Variants in SUPT3H observed in about 807,000 individuals in gnomAD.
SUPT3H encodes the protein SPT3 homolog, SAGA and STAGA complex component, also known as transcription initiation protein SPT3 homolog.
A neutral mutation model predicts 44.3 loss-of-function variants in SUPT3H; 44 were observed. That is an observed-to-expected ratio of 0.99 (90% CI 0.78 to 1.28). SUPT3H has a LOEUF of 1.28. SUPT3H is among the 50% of genes most tolerant of loss of function. SUPT3H has a pLI of 0.00. For synonymous variants in SUPT3H, 124 were observed against 125.6 expected (o/e 0.99, Z 0.09); for missense variants, 380 against 387.1 (o/e 0.98, Z 0.15).
At chr6:45,175,169 G>A (rs1216156652) in intron 2 of SUPT3H, among the ~76,000 whole-genome samples, 7 of 151,572 alleles carry the variant, frequency 4.6e-5, no homozygotes, top group Non-Finnish European at 7.4e-5. Flanking sequence ...TATATATACC[G>A]TATATGTTTG....
intron 2 of SUPT3H, among the ~76,000 whole-genome samples, chr6:45,217,695 A>G (rs989511279): frequency 3.9e-4 from 59 of 152,250 alleles, no homozygotes; most frequent in Admixed American, 2.3e-3. Flanking sequence ...GTTCAAGACC[A>G]GTCTGATCGA....
chr6:45,281,811 C>T (rs777859289), intron 2 of SUPT3H, among the ~76,000 whole-genome samples: 7 of 152,102 alleles, frequency 4.6e-5, no homozygotes, highest in African/African-American at 7.2e-5. Context: ...CCCTGATACC[C>T]GAATAGCCTA....
intron 2 of SUPT3H, among the ~76,000 whole-genome samples, chr6:45,257,316 C>T (rs1463712925): frequency 2.0e-5 from 3 of 152,144 alleles, no homozygotes; most frequent in African/African-American, 7.2e-5. Flanking sequence ...AAGGGAAATG[C>T]TGAGATTTTC....
chr6:44,894,043 T>C lies in SUPT3H; in HGVS notation c.912+38610A>G, dbSNP rs1214046647. ...TTCTTTTGAGAAGTGTCTGTTCATG[T>C]CCTTCGCCCACTTTTTGATGGGGTT... On this transcript the variant is annotated intron_variant, in intron 10 of 10. Coordinates refer to ENST00000371459, the MANE Select transcript of SUPT3H (RefSeq NM_003599.4). 6.5e-5 allele frequency among the ~76,000 whole-genome samples: 9 copies of C among 138,350 alleles called. No homozygotes were observed. The East Asian group carries it at 1.7e-3, about 26-fold the overall frequency. 90.8% of individuals were successfully genotyped at this position (138,350 alleles called of 152,430 possible).
intron 2 of SUPT3H, among the ~76,000 whole-genome samples, chr6:45,269,741 C>A (rs539734716): frequency 1.3e-5 from 2 of 152,136 alleles, no homozygotes; most frequent in African/African-American, 4.8e-5. Flanking sequence ...ATGTTTAAAG[C>A]GCAAGGGTTA....
intron 2 of SUPT3H, among the ~76,000 whole-genome samples, chr6:45,311,629 T>C (rs1258727931): frequency 2.0e-5 from 3 of 152,170 alleles, no homozygotes; most frequent in Admixed American, 1.3e-4. Flanking sequence ...GCAGAAACCC[T>C]ACAAGCTAGA....
intron 10 of SUPT3H, among the ~76,000 whole-genome samples, chr6:44,880,858 C>A (rs566967260): frequency 6.6e-6 from 1 of 152,216 alleles, no homozygotes; most frequent in African/African-American, 2.4e-5. Context: ...AAATAAAATC[C>A]TTTACGGACA....
intron 3 of SUPT3H, among the ~76,000 whole-genome samples, chr6:45,105,688 A>G (rs1209758153): frequency 6.6e-6 from 1 of 152,220 alleles, no homozygotes; most frequent in East Asian, 1.9e-4. Flanking sequence ...GTTTTAGATT[A>G]TGCAAATTTT....
At position 45,158,298 on chromosome 6, in the gene SUPT3H, A is replaced by AT. The variant is rs56882164; in HGVS notation, c.102-52293dup. Among the ~76,000 whole-genome samples the AT allele has an allele frequency of 3.9e-4, 39 of 99,684 alleles. 2 individuals carry two copies. The highest frequency in any genetic ancestry group is 6.0e-4 in the South Asian group (2 of 3,340). 65.4% of individuals were successfully genotyped at this position (99,684 alleles called of 152,430 possible). On this transcript the variant is annotated intron_variant, in intron 2 of 10. Coordinates refer to ENST00000371459, the MANE Select transcript of SUPT3H (RefSeq NM_003599.4). ...TACATATATATATATATATATATAT[A>AT]TTTTTTTTTTTTTTTTTTTGAGATG...
intron 6 of SUPT3H, among the ~76,000 whole-genome samples, chr6:44,990,788 C>A (rs1224675588): frequency 6.6e-6 from 1 of 151,938 alleles, no homozygotes; most frequent in Non-Finnish European, 1.5e-5. Context: ...GTATTCTTTG[C>A]AGATATTTGT....
At chr6:45,361,412 A>C (rs1175172247) in intron 2 of SUPT3H, among the ~76,000 whole-genome samples, 1 of 152,212 alleles carries the variant, frequency 6.6e-6, no homozygotes, top group Non-Finnish European at 1.5e-5. Context: ...ACTCTGAAAA[A>C]GTACATGACA....
chr6:44,824,291 G>A (rs1767580150), downstream of SUPT3H, among the ~76,000 whole-genome samples: 1 of 152,164 alleles, frequency 6.6e-6, no homozygotes, highest in African/African-American at 2.4e-5. Context: ...GGTCAGGGAG[G>A]GGTGACAAGT....
chr6:45,196,651 T>C (rs1816081253), intron 2 of SUPT3H, among the ~76,000 whole-genome samples: 1 of 151,984 alleles, frequency 6.6e-6, no homozygotes, highest in Admixed American at 6.6e-5. Flanking sequence ...CCTTTTGCAT[T>C]AGAGTGTTTA....
At chr6:44,931,168 T>C (rs1770531882) in intron 10 of SUPT3H, among the ~76,000 whole-genome samples, 3 of 152,230 alleles carry the variant, frequency 2.0e-5, no homozygotes, top group Non-Finnish European at 4.4e-5. Context: ...AGATACATTT[T>C]CCTTTATGTA....
intron 2 of SUPT3H, among the ~76,000 whole-genome samples, chr6:45,143,818 A>G (rs1805612841): frequency 6.6e-6 from 1 of 152,164 alleles, no homozygotes; most frequent in East Asian, 1.9e-4. Flanking sequence ...CCAAGAAAAG[A>G]AGAGAGAAGA....
At chr6:45,215,962 G>T (rs931771939) in intron 2 of SUPT3H, among the ~76,000 whole-genome samples, 1 of 152,090 alleles carries the variant, frequency 6.6e-6, no homozygotes, top group African/African-American at 2.4e-5. Flanking sequence ...ATCCCCACTA[G>T]ACTAACAGGA....
chr6:45,321,733 T>G (rs1190072925), intron 2 of SUPT3H: 6 of 1,155,558 alleles, frequency 5.2e-6, no homozygotes, highest in Non-Finnish European at 6.4e-6. Context: ...TAATACATTC[T>G]CTCTTCTACC....
At chr6:44,837,145 TA>T (rs1483775776) in intron 10 of SUPT3H, among the ~76,000 whole-genome samples, 3 of 152,028 alleles carry the variant, frequency 2.0e-5, no homozygotes, top group Non-Finnish European at 4.4e-5. Flanking sequence ...TGATACAAGA[TA>T]AAAACAAAAA....
chr6:44,908,261 C>G (rs1766435310), intron 10 of SUPT3H, among the ~76,000 whole-genome samples: 1 of 150,806 alleles, frequency 6.6e-6, no homozygotes, highest in African/African-American at 2.4e-5. Context: ...ACATCATTCT[C>G]CTGCCTCAGC....
Sources: allele counts gnomAD v4.1 joint callset (sites outside exome capture counted in the v4.1 genomes callset), GRCh38; gene constraint gnomAD v4.1.1; transcripts MANE v1.5; gene names NCBI Gene and HGNC (gene_info 2026-07-23, HGNC 2026-07-21).